The following RCAN1 variants were observed in gnomAD, a reference collection of about 807,000 sequenced individuals.
The protein encoded by RCAN1 is regulator of calcineurin 1, also known as calcipressin-1.
In RCAN1, 11 loss-of-function variants were observed where a neutral mutation model predicts 22.9. The observed-to-expected ratio is 0.48, with a 90% CI of 0.30 to 0.79. The LOEUF (loss-of-function observed/expected upper bound fraction) is 0.79. Among genes scored for constraint, RCAN1 ranks in the 30% least tolerant of loss-of-function variants. The pLI is 0.06. For synonymous variants in RCAN1, 136 were observed against 142.3 expected (o/e 0.96, Z 0.32); for missense variants, 291 against 337.8 (o/e 0.86, Z 1.09).
At chr21:34,520,921 C>T (rs1984465369) in intron 3 of RCAN1, 1 of 278,054 alleles carries the variant, frequency 3.6e-6, no homozygotes, top group African/African-American at 2.3e-5. Flanking sequence ...CACTTTTGTC[C>T]CTCCAGAGGA....
chr21:34,561,345 G>C (rs1417846203), intron 1 of RCAN1, among the ~76,000 whole-genome samples: 1 of 152,104 alleles, frequency 6.6e-6, no homozygotes, highest in African/African-American at 2.4e-5. Flanking sequence ...TCTCCAGCAG[G>C]AGAAACTTTT....
intron 1 of RCAN1, among the ~76,000 whole-genome samples, chr21:34,552,095 T>C (rs1055794250): frequency 2.0e-5 from 3 of 152,164 alleles, no homozygotes; most frequent in African/African-American, 7.2e-5. Context: ...CTGGTGTTTA[T>C]ATGATGTAGA....
At chr21:34,588,426 T>G (rs1422334270) in intron 1 of RCAN1, among the ~76,000 whole-genome samples, 1 of 152,240 alleles carries the variant, frequency 6.6e-6, no homozygotes, top group Non-Finnish European at 1.5e-5. Flanking sequence ...GGTTTTGATT[T>G]GTGTATTTTT....
At chr21:34,551,733 C>T (rs1450828204) in intron 1 of RCAN1, among the ~76,000 whole-genome samples, 6 of 152,102 alleles carry the variant, frequency 3.9e-5, no homozygotes, top group Non-Finnish European at 8.8e-5. Context: ...CCCTTCTTAT[C>T]CCACTAAACT....
At chr21:34,584,219 G>T (rs1987714919) in intron 1 of RCAN1, among the ~76,000 whole-genome samples, 1 of 152,060 alleles carries the variant, frequency 6.6e-6, no homozygotes, top group African/African-American at 2.4e-5. Flanking sequence ...ATCCCTCCCT[G>T]GCCCTCAAAA....
At chr21:34,605,981 G>C (rs1988513735) in intron 1 of RCAN1, among the ~76,000 whole-genome samples, 1 of 151,876 alleles carries the variant, frequency 6.6e-6, no homozygotes, top group East Asian at 1.9e-4. Flanking sequence ...CTGAAACTGG[G>C]TTTGAGTCTA....
chr21:34,561,436 T>G (rs1371348333), intron 1 of RCAN1, among the ~76,000 whole-genome samples: 1 of 152,212 alleles, frequency 6.6e-6, no homozygotes, highest in Non-Finnish European at 1.5e-5. Context: ...AAGCTATGGT[T>G]TGACTATTTT....
chr21:34,544,743 T>A (rs187125756), intron 1 of RCAN1, among the ~76,000 whole-genome samples: 1 of 152,020 alleles, frequency 6.6e-6, no homozygotes, highest in Non-Finnish European at 1.5e-5. Context: ...GTCCCCAAGA[T>A]AGAAAGTAAA....
At chr21:34,529,076 A>G (rs1985236853) in intron 1 of RCAN1, among the ~76,000 whole-genome samples, 2 of 152,196 alleles carry the variant, frequency 1.3e-5, no homozygotes, top group South Asian at 2.1e-4. Context: ...CTTTGAATTG[A>G]TCGGTTCTAT....
Position 34,602,488 on chromosome 21 carries a change from C to A in RCAN1, c.252+12272G>T. On this transcript the variant is annotated intron_variant, in intron 1 of 3. Coordinates refer to ENST00000313806, the MANE Select transcript of RCAN1 (RefSeq NM_004414.7). ...CCAAACACCTGCAGGTGTTTCCAGG[C>A]AGTTCATGAACTGTAACACAGTGAA... Among the ~76,000 whole-genome samples the A allele has an allele frequency of 1.3e-5, 2 of 152,288 alleles. 1 individual carries two copies. The highest frequency in any genetic ancestry group is 3.9e-4 in the East Asian group (2 of 5,190).
At chr21:34,583,494 T>C (rs1987689850) in intron 1 of RCAN1, among the ~76,000 whole-genome samples, 1 of 152,110 alleles carries the variant, frequency 6.6e-6, no homozygotes, top group South Asian at 2.1e-4. Flanking sequence ...GGGGCCCCAA[T>C]CTAATCTGAT....
intron 1 of RCAN1, among the ~76,000 whole-genome samples, chr21:34,583,928 T>C (rs1568922750): frequency 6.6e-6 from 1 of 152,048 alleles, no homozygotes; most frequent in African/African-American, 2.4e-5. Context: ...AATTTATTAT[T>C]ACACACACAT....
At chr21:34,569,139 G>A (rs896388323) in intron 1 of RCAN1, among the ~76,000 whole-genome samples, 6 of 152,164 alleles carry the variant, frequency 3.9e-5, no homozygotes, top group Non-Finnish European at 5.9e-5. Context: ...AGATTTGAGT[G>A]GGGACAAAGA....
chr21:34,518,128 T>C lies in RCAN1; in HGVS notation c.715A>G (p.Ile239Val), dbSNP rs766626614. ...ERMRRPKPKI[I>V]QTRRPEYTPI... The stretch of plus-strand genomic sequence containing the variant: ...GTGTACTCCGGCCTCCTGGTCTGGA[T>C]AATTTTTGGCTTAGGTCTCCTCATT... Residue 239 changes from isoleucine to valine, a missense_variant, in exon 4 of 4, where the codon ATC (isoleucine) becomes GTC (valine). Coordinates refer to ENST00000313806, the MANE Select transcript of RCAN1 (RefSeq NM_004414.7). This position sits in a 1 kb window ranked among gnomAD's most constrained non-coding sequence, Gnocchi z 4.2. 3.0e-5 allele frequency: 48 copies of C among 1,614,108 alleles called. No individual in the cohort carries two copies. Among genetic ancestry groups the C allele is most frequent in the Non-Finnish European group, 3.7e-5 (44 of 1,180,052 alleles).
intron 1 of RCAN1, chr21:34,527,101 G>T: frequency 4.6e-6 from 2 of 434,438 alleles, no homozygotes; most frequent in Non-Finnish European, 6.6e-6. Flanking sequence ...AACCTCTCTT[G>T]CAGCATAGTT....
intron 1 of RCAN1, among the ~76,000 whole-genome samples, chr21:34,525,828 C>T (rs1985006052): frequency 6.6e-6 from 1 of 152,160 alleles, no homozygotes; most frequent in Non-Finnish European, 1.5e-5. Context: ...ATAGAATGTG[C>T]TCTGCAATCT....
chr21:34,586,565 C>T (rs1388501431), intron 1 of RCAN1, among the ~76,000 whole-genome samples: 1 of 152,108 alleles, frequency 6.6e-6, no homozygotes, highest in Non-Finnish European at 1.5e-5. Flanking sequence ...AATTTCTAGT[C>T]TTATGTGAAT....
At chr21:34,571,942 C>A (rs1987248497) in intron 1 of RCAN1, among the ~76,000 whole-genome samples, 1 of 152,110 alleles carries the variant, frequency 6.6e-6, no homozygotes, top group African/African-American at 2.4e-5. Context: ...TATCAAAGAC[C>A]TAATTTAATC....
chr21:34,517,291 CT>C lies in RCAN1; in HGVS notation c.*792del, dbSNP rs1238180982. The stretch of plus-strand genomic sequence containing the variant: ...CACCCACTAAAAGTTGGCAGTGAAA[CT>C]GCTATTCTCTGAATTGTATAAGCTA... On this transcript the variant is annotated 3_prime_UTR_variant, in exon 4 of 4. Coordinates refer to ENST00000313806, the MANE Select transcript of RCAN1 (RefSeq NM_004414.7). 1.3e-5 allele frequency: 2 copies of C among 152,360 alleles called. No individual in the cohort carries two copies. Among genetic ancestry groups the C allele is most frequent in the Non-Finnish European group, 2.9e-5 (2 of 68,036 alleles). The allele number at this position is 152,360 out of a possible 1,614,324, so 9.4% of individuals were successfully genotyped here.
Sources: gnomAD v4.1 joint callset for allele counts (sites outside exome capture counted in the v4.1 genomes callset) on GRCh38, gnomAD v4.1.1 for gene constraint, Gnocchi (gnomAD v3.1) non-coding constraint, MANE v1.5 for transcripts, NCBI Gene and HGNC (gene_info 2026-07-23, HGNC 2026-07-21) for gene names.